Variants in UTRN observed in about 807,000 individuals in gnomAD.
UTRN encodes the protein dystrophin-related protein 1.
A neutral mutation model predicts 463.9 loss-of-function variants in UTRN; 283 were observed. The ratio of observed to expected loss-of-function variants is 0.61; its 90% CI spans 0.55 to 0.67. The LOEUF (loss-of-function observed/expected upper bound fraction) is 0.67. Ranked by LOEUF, UTRN falls within the 30% of genes least tolerant of loss-of-function variation. The pLI is 0.00. For synonymous variants in UTRN, 1,442 were observed against 1,431.5 expected (o/e 1.01, Z -0.17); for missense variants, 3,922 against 4,084.3 (o/e 0.96, Z 1.08).
chr6:144,613,572 G>A (rs1324003011), intron 51 of UTRN, among the ~76,000 whole-genome samples: 1 of 151,894 alleles, frequency 6.6e-6, no homozygotes, highest in African/African-American at 2.4e-5. Context: ...TTTTAGAAAG[G>A]CAAAATTATG....
intron 2 of UTRN, among the ~76,000 whole-genome samples, chr6:144,364,173 A>G (rs1019903131): frequency 1.3e-5 from 2 of 152,164 alleles, no homozygotes; most frequent in African/African-American, 4.8e-5. Context: ...AATATTTGCG[A>G]TTCCACTGCT....
chr6:144,434,289 A>G (rs181091338), intron 9 of UTRN, among the ~76,000 whole-genome samples: 10,617 of 144,294 alleles, frequency 0.074, 485 homozygotes, highest in Admixed American at 0.16. Context: ...CCGAGATGGC[A>G]GCAGTACAGT....
chr6:144,797,704 G>A, intron 63 of UTRN, 120 bp from the exon 64 acceptor site: 1 of 986,358 alleles, frequency 1.0e-6, no homozygotes, highest in South Asian at 1.9e-5. Context: ...TAACTGACAT[G>A]GAAAGAGTTA....
chr6:144,327,779 C>G (rs6570621), intron 2 of UTRN, among the ~76,000 whole-genome samples: 9,716 of 151,860 alleles, frequency 0.064, 1,043 homozygotes, highest in African/African-American at 0.22. Flanking sequence ...CCCGTCTCTA[C>G]TAAAAATAAC....
rs141700678 is a variant in UTRN at position 144,840,833 on chromosome 6, G to A, written c.10270+1G>A. 70 of 1,613,778 alleles carry A rather than the reference G, an allele frequency of 4.3e-5. 1 individual carries two copies. The highest frequency in any genetic ancestry group is 5.3e-5 in the Non-Finnish European group (63 of 1,179,966). Reference sequence around the variant, plus strand: ...CACAGCACGTTTCCATCTTGCTGCCGTGAGTATGAAAGATTGCAGCACCAC... The same window carrying A: ...CACAGCACGTTTCCATCTTGCTGCCATGAGTATGAAAGATTGCAGCACCAC... On this transcript the variant is annotated splice_donor_variant, in intron 73 of 74. Coordinates refer to ENST00000367545, the MANE Select transcript of UTRN (RefSeq NM_007124.3). LOFTEE classifies it high-confidence loss of function.
chr6:144,380,551 C>T (rs951166526), intron 2 of UTRN, among the ~76,000 whole-genome samples: 1 of 152,184 alleles, frequency 6.6e-6, no homozygotes, highest in African/African-American at 2.4e-5. Flanking sequence ...TGGCTCATGC[C>T]TGCAATCCCA....
At chr6:144,819,057 A>G (rs926537891) in intron 65 of UTRN, among the ~76,000 whole-genome samples, 1 of 152,158 alleles carries the variant, frequency 6.6e-6, no homozygotes, top group African/African-American at 2.4e-5. Flanking sequence ...CCCTATATCC[A>G]TATAACTGCA....
chr6:144,681,339 CTA>C (rs1416434791), intron 52 of UTRN, among the ~76,000 whole-genome samples: 2 of 152,014 alleles, frequency 1.3e-5, no homozygotes, highest in Non-Finnish European at 2.9e-5. Flanking sequence ...CCAAGAAACT[CTA>C]ATACATAAGG....
chr6:144,761,885 A>G (rs1307173981), intron 58 of UTRN, among the ~76,000 whole-genome samples: 2 of 152,176 alleles, frequency 1.3e-5, no homozygotes, highest in East Asian at 3.9e-4. Flanking sequence ...TTCTTAATGC[A>G]TCACATTAAC....
intron 63 of UTRN, among the ~76,000 whole-genome samples, chr6:144,795,654 C>G (rs1777147368): frequency 6.6e-6 from 1 of 152,146 alleles, no homozygotes; most frequent in Non-Finnish European, 1.5e-5. Flanking sequence ...TGTTTGTTGG[C>G]TGCATAAATG....
intron 65 of UTRN, among the ~76,000 whole-genome samples, chr6:144,814,075 A>G (rs1337330143): frequency 6.6e-6 from 1 of 152,216 alleles, no homozygotes; most frequent in Non-Finnish European, 1.5e-5. Context: ...AAGTACTGCT[A>G]TGAATGGAAT....
intron 46 of UTRN, among the ~76,000 whole-genome samples, chr6:144,547,761 A>T (rs1455409111): frequency 6.6e-6 from 1 of 152,160 alleles, no homozygotes; most frequent in Non-Finnish European, 1.5e-5. Flanking sequence ...CTGGGAGGGC[A>T]TATTCCTCTA....
chr6:144,489,749 G>C (rs1336011128), intron 30 of UTRN, among the ~76,000 whole-genome samples: 4 of 152,102 alleles, frequency 2.6e-5, no homozygotes, highest in African/African-American at 9.6e-5. Flanking sequence ...AGCCTCCCGA[G>C]TAGCTGGGAT....
At chr6:144,470,703 C>T (rs949998648) in intron 23 of UTRN, among the ~76,000 whole-genome samples, 31 of 151,874 alleles carry the variant, frequency 2.0e-4, no homozygotes, top group African/African-American at 2.7e-4. Context: ...TGTAGCGAGC[C>T]GAGATCACGC....
At chr6:144,662,514 T>A (rs932508855) in intron 51 of UTRN, among the ~76,000 whole-genome samples, 14 of 152,346 alleles carry the variant, frequency 9.2e-5, no homozygotes, top group African/African-American at 3.1e-4. Context: ...AGTAACCTGT[T>A]TCTAGAGAGA....
intron 58 of UTRN, among the ~76,000 whole-genome samples, chr6:144,760,163 A>C (rs1792492681): frequency 6.6e-6 from 1 of 152,120 alleles, no homozygotes; most frequent in South Asian, 2.1e-4. Flanking sequence ...TCTAAATCAG[A>C]ATTTCTCTAA....
rs144607347 is a variant in UTRN at position 144,700,115 on chromosome 6, T to C, written c.7681T>C (p.Trp2561Arg). The change falls in exon 53 of 75, where the codon TGG becomes CGG. Residue 2561 changes from tryptophan to arginine, a missense_variant. This residue lies in a region of UTRN where 1,309 missense variants were observed against 1,452.6 expected (regional missense o/e 0.90). Transcript: ENST00000367545. ...RAHLEASAEK[W>R]NRLLMSLEEL... ...CCATTTGGAGGCCAGCGCTGAGAAG[T>C]GGAACAGGTTGCTGATGTCCTTAGA... is the stretch of plus-strand genomic sequence containing the variant. 7.4e-5 allele frequency: 120 copies of C among 1,612,000 alleles called. 1 individual carries two copies. The African/African-American group carries it at 1.6e-3, about 21-fold the overall frequency.
At chr6:144,758,132 A>G (rs1439584998) in intron 58 of UTRN, 143 bp downstream of exon 58, 3 of 610,538 alleles carry the variant, frequency 4.9e-6, no homozygotes, top group Admixed American at 6.8e-5. Context: ...AATATTAAAA[A>G]GAAACTACTT....
chr6:144,804,101 T>G (rs942833137), intron 65 of UTRN, among the ~76,000 whole-genome samples: 5 of 152,190 alleles, frequency 3.3e-5, no homozygotes, highest in Non-Finnish European at 7.4e-5. Context: ...CCAAATGTAT[T>G]CATCAAGCTG....
Sources: gnomAD v4.1 joint callset for allele counts (sites outside exome capture counted in the v4.1 genomes callset) on GRCh38, gnomAD v4.1.1 for gene constraint, gnomAD v4.1.1 regional missense constraint, MANE v1.5 for transcripts, NCBI Gene and HGNC (gene_info 2026-07-23, HGNC 2026-07-21) for gene names.